The following ADGRV1 variants were observed in gnomAD, a reference collection of about 807,000 sequenced individuals.
The protein encoded by ADGRV1 is adhesion G protein-coupled receptor V1, also known as G-protein coupled receptor 98.
Under a neutral mutation model 596.2 loss-of-function variants are expected in ADGRV1, and 359 were observed. The ratio of observed to expected loss-of-function variants is 0.60; its 90% CI spans 0.55 to 0.66. The LOEUF (loss-of-function observed/expected upper bound fraction) is 0.66. Ranked by LOEUF, ADGRV1 falls within the 30% of genes least tolerant of loss-of-function variation. The pLI, the probability that ADGRV1 is intolerant of heterozygous loss-of-function variation, is 0.00. For missense variants in ADGRV1, 7,274 were observed against 7,575.6 expected (o/e 0.96, Z 1.48); for synonymous variants, 2,681 against 2,679.2 (o/e 1.00, Z -0.02).
intron 83 of ADGRV1, among the ~76,000 whole-genome samples, chr5:90,962,441 T>C (rs1778116948): frequency 6.6e-6 from 1 of 152,246 alleles, no homozygotes; most frequent in Non-Finnish European, 1.5e-5. Flanking sequence ...ACCTTTTTTC[T>C]GGTAATCTCT....
chr5:91,147,472 G>A (rs1026461772), intron 87 of ADGRV1, among the ~76,000 whole-genome samples: 1 of 152,136 alleles, frequency 6.6e-6, no homozygotes, highest in Non-Finnish European at 1.5e-5. Context: ...CATGGGGGCA[G>A]TTTATCCCAT....
intron 11 of ADGRV1, among the ~76,000 whole-genome samples, chr5:90,638,770 C>G (rs1271794790): frequency 6.6e-6 from 1 of 152,014 alleles, no homozygotes; most frequent in African/African-American, 2.4e-5. Flanking sequence ...TTACATTATT[C>G]AGGACTAAAG....
chr5:91,056,060 G>C (rs1474962737), intron 85 of ADGRV1, among the ~76,000 whole-genome samples: 1 of 152,110 alleles, frequency 6.6e-6, no homozygotes, highest in African/African-American at 2.4e-5. Context: ...AATGGTAGTC[G>C]GTTGGCGAGA....
intron 75 of ADGRV1, among the ~76,000 whole-genome samples, chr5:90,823,097 T>G (rs951091709): frequency 3.3e-5 from 5 of 152,226 alleles, no homozygotes; most frequent in Admixed American, 3.3e-4. Flanking sequence ...TGACTTCCTC[T>G]TTTCCTAATT....
chr5:90,783,259 C>T lies in ADGRV1; in HGVS notation c.13367C>T (p.Thr4456Ile), dbSNP rs981669644. 6 of 1,613,428 alleles carry T rather than the reference C, an allele frequency of 3.7e-6. No individual in the cohort carries two copies. In the African/African-American group the frequency reaches 5.3e-5, roughly 14 times the overall value. Reference protein sequence around the residue: ...GGVDYILHGSTVTFQHGQNLS... With the variant: ...GGVDYILHGSIVTFQHGQNLS... ...GTTGATTACATTTTGCATGGCAGTACAGTCACCTTTCAGCATGGGCAAAAC... is the reference window on the plus strand; with the variant it reads ...GTTGATTACATTTTGCATGGCAGTATAGTCACCTTTCAGCATGGGCAAAAC... The change falls in exon 66 of 90, where the codon ACA becomes ATA. Residue 4456 changes from threonine to isoleucine, a missense_variant. Physicochemically the swap from Thr to Ile is moderately conservative, Grantham distance 89. Coordinates refer to ENST00000405460, the MANE Select transcript of ADGRV1 (RefSeq NM_032119.4).
rs16868974 is a variant in ADGRV1 at position 90,685,794 on chromosome 5, C to T, written c.6289C>T (p.Arg2097Cys). 26,214 of 1,607,292 alleles carry T rather than the reference C, an allele frequency of 0.016. 537 individuals carry two copies. Among genetic ancestry groups the T allele is most frequent in the African/African-American group, 0.1 (7,651 of 74,862 alleles). Residue 2097 changes from arginine (R) to cysteine (C), a missense_variant, in exon 29 of 90, where the codon CGT becomes TGT. Transcript: ENST00000405460. ...CTGTCTTTCAGTTCCAAATTCTCCA[C>T]GTCTTGGGCCTAAGGTAGAAACTAT... ...VQSRSIPNSP[R>C]LGPKVETIAQ...
Position 90,911,508 on chromosome 5 carries a change from C to G in ADGRV1, c.17856+47651C>G, listed in dbSNP as rs80087544. 1.2e-4 allele frequency among the ~76,000 whole-genome samples: 18 copies of G among 152,216 alleles called. No individual in the cohort carries two copies. In the East Asian group the frequency reaches 2.9e-3, roughly 25 times the overall value. ...TTTCTGTGGAAACTAAAAAGCTAAT[C>G]TACAATGTTGTTTTACATACAGGTT... On this transcript the variant is annotated intron_variant, in intron 83 of 89. Transcript: ENST00000405460.
chr5:90,567,170 C>A (rs7724959), intron 1 of ADGRV1, among the ~76,000 whole-genome samples: 10,203 of 151,860 alleles, frequency 0.067, 1,026 homozygotes, highest in African/African-American at 0.23. Flanking sequence ...TATAGTGTAT[C>A]ATTTGTTTTA....
chr5:90,960,666 A>C (rs572376152), intron 83 of ADGRV1, among the ~76,000 whole-genome samples: 25 of 152,328 alleles, frequency 1.6e-4, no homozygotes, highest in African/African-American at 6.0e-4. Flanking sequence ...CCGTGATCAG[A>C]GTAAGCAGGT....
intron 83 of ADGRV1, among the ~76,000 whole-genome samples, chr5:90,951,872 G>A (rs774382138): frequency 5.3e-5 from 8 of 152,032 alleles, no homozygotes; most frequent in African/African-American, 1.9e-4. Context: ...AAGAGTTGAC[G>A]CTATTTTTAA....
chr5:90,997,759 G>A (rs1198048358), intron 85 of ADGRV1, among the ~76,000 whole-genome samples: 1 of 152,176 alleles, frequency 6.6e-6, no homozygotes, highest in East Asian at 1.9e-4. Context: ...GCATGTTCTA[G>A]TTGTGTGACA....
Position 90,728,896 on chromosome 5 carries a change from T to C in ADGRV1, c.10389T>C (p.Asn3463=), listed in dbSNP as rs777701887. Residue 3463 remains asparagine (N), a synonymous_variant, in exon 49 of 90, where the codon AAT becomes AAC. Transcript: ENST00000405460. ...AAGTTGAGGCTTTGTCTTCAGCCAA[T>C]GATATTTACCTAATATTTGCCGAAA... ...TTEVEALSSA[N]DIYLIFAENV... 4.3e-6 allele frequency: 7 copies of C among 1,613,016 alleles called. No homozygotes were observed. The highest frequency in any genetic ancestry group is 5.1e-6 in the Non-Finnish European group (6 of 1,179,528).
At position 90,672,441 on chromosome 5, in the gene ADGRV1, A is replaced by G. The variant is rs183967729; in HGVS notation, c.4753-105A>G. 122 of 850,510 alleles carry G rather than the reference A, an allele frequency of 1.4e-4. No individual in the cohort carries two copies. The African/African-American group carries it at 1.9e-3, about 13-fold the overall frequency. 52.7% of individuals were successfully genotyped at this position (850,510 alleles called of 1,614,324 possible). Reference sequence around the variant, plus strand: ...GTTAGTCCCTTTTAGAGAGGTAGAAAGTTGTAGAATTAAGTTTATGGTAAA... The same window carrying G: ...GTTAGTCCCTTTTAGAGAGGTAGAAGGTTGTAGAATTAAGTTTATGGTAAA... On this transcript the variant is annotated intron_variant, in intron 21 of 89. Transcript: ENST00000405460.
chr5:91,076,077 T>C (rs1290403781), intron 86 of ADGRV1, among the ~76,000 whole-genome samples: 2 of 152,134 alleles, frequency 1.3e-5, no homozygotes, highest in Non-Finnish European at 2.9e-5. Context: ...CTTATCACCT[T>C]CCCATATTCT....
At chr5:90,721,494 A>C (rs1750937646) in intron 45 of ADGRV1, among the ~76,000 whole-genome samples, 1 of 120,266 alleles carries the variant, frequency 8.3e-6, no homozygotes, top group Non-Finnish European at 1.8e-5. Flanking sequence ...ACAGAGCAAG[A>C]CTTGGTCTAA....
intron 88 of ADGRV1, 67 bp from the exon 89 acceptor site, chr5:91,153,154 G>T (rs1796197860): frequency 1.1e-5 from 14 of 1,328,238 alleles, no homozygotes; most frequent in Non-Finnish European, 1.3e-5. Context: ...TGTCCATTTG[G>T]GTTTCATAGT....
intron 77 of ADGRV1, among the ~76,000 whole-genome samples, chr5:90,837,945 A>G (rs1219617541): frequency 6.6e-6 from 1 of 152,092 alleles, no homozygotes; most frequent in Non-Finnish European, 1.5e-5. Flanking sequence ...TAAATTATTC[A>G]TATTCTTTTT....
intron 71 of ADGRV1, among the ~76,000 whole-genome samples, chr5:90,804,413 AAG>A (rs917317759): frequency 2.0e-5 from 3 of 151,936 alleles, no homozygotes; most frequent in Non-Finnish European, 4.4e-5. Flanking sequence ...AGAAAAAAAA[AAG>A]AAGAAAAAGA....
At position 90,778,459 on chromosome 5, in the gene ADGRV1, C is replaced by CT; in HGVS notation, c.12701dup (p.Tyr4235LeufsTer2). 6.2e-7 allele frequency: 1 copy of CT among 1,612,890 alleles called. No individual in the cohort carries two copies. The highest frequency in any genetic ancestry group is 2.2e-5 in the East Asian group (1 of 44,814). ...ACGATGACATTCCCGAGGAAAAAAG[C>CT]TTCTATGAGTTTCAGCTCACTGCAG... On this transcript the variant is annotated frameshift_variant, in exon 63 of 90. Transcript: ENST00000405460. LOFTEE classifies it high-confidence loss of function.
Sources: gnomAD v4.1 joint callset for allele counts (sites outside exome capture counted in the v4.1 genomes callset) on GRCh38, gnomAD v4.1.1 for gene constraint, MANE v1.5 for transcripts, NCBI Gene and HGNC (gene_info 2026-07-23, HGNC 2026-07-21) for gene names.